Variants in SULF2 observed in about 807,000 individuals in gnomAD.
The protein encoded by SULF2 is sulfatase 2.
A neutral mutation model predicts 107.7 loss-of-function variants in SULF2; 52 were observed. The ratio of observed to expected loss-of-function variants is 0.48; its 90% CI spans 0.39 to 0.61. The LOEUF is 0.61. Ranked by LOEUF, SULF2 falls within the 20% of genes least tolerant of loss-of-function variation. SULF2 has a pLI of 0.00. For synonymous variants in SULF2, 460 were observed against 464.3 expected, an observed-to-expected ratio of 0.99 and a Z score of 0.12; for missense variants, 993 against 1,177.3, an observed-to-expected ratio of 0.84 and a Z score of 2.29.
intron 2 of SULF2, among the ~76,000 whole-genome samples, chr20:47,754,601 G>A (rs562141045): frequency 7.9e-5 from 12 of 152,284 alleles, no homozygotes; most frequent in Admixed American, 6.5e-4. Context: ...AGCTGACACA[G>A]GCCACTGAAC....
chr20:47,721,582 C>T (rs765841804), intron 3 of SULF2, among the ~76,000 whole-genome samples: 4 of 152,154 alleles, frequency 2.6e-5, no homozygotes, highest in Non-Finnish European at 5.9e-5. Flanking sequence ...GTTGGTCAGG[C>T]TGGTCTCGAA....
intron 3 of SULF2, among the ~76,000 whole-genome samples, chr20:47,711,003 G>A (rs1482461987): frequency 2.6e-5 from 4 of 152,168 alleles, no homozygotes; most frequent in African/African-American, 4.8e-5. Flanking sequence ...GTCTCGTGGC[G>A]ACCAGGGACT....
chr20:47,746,416 T>C (rs1170740509), intron 2 of SULF2, among the ~76,000 whole-genome samples: 1 of 152,190 alleles, frequency 6.6e-6, no homozygotes, highest in Admixed American at 6.5e-5. Context: ...GGTGTCCACC[T>C]AACAGGCTGG....
intron 2 of SULF2, among the ~76,000 whole-genome samples, chr20:47,746,991 AAAAATATATAT>A (rs202215747): frequency 1.9e-4 from 16 of 83,066 alleles, no homozygotes; most frequent in Admixed American, 4.1e-4. Context: ...ATAAAAAAAA[AAAAATATATAT>A]ATATATATAT....
intron 3 of SULF2, among the ~76,000 whole-genome samples, chr20:47,704,459 G>A (rs1239853746): frequency 1.3e-5 from 2 of 152,084 alleles, no homozygotes; most frequent in African/African-American, 4.8e-5. Context: ...TTTTTGTAGA[G>A]AAGGGGTCTC....
In SULF2 at chr20:47,663,318, C is replaced by A. The variant is rs16992732; in HGVS notation, c.2228-106G>T. 8.4e-4 allele frequency: 1,331 copies of A among 1,580,998 alleles called. 5 individuals are homozygous for A. In the African/African-American group the frequency reaches 0.016, roughly 19 times the overall value. On this transcript the variant is annotated intron_variant, in intron 16 of 20. Transcript: ENST00000688720. Reference sequence around the variant, plus strand: ...CCCCTAAAACCAGTTCGTCAAATGCCAAGAGGCTGTCCCGAGCACCGTGGA... The same window carrying A: ...CCCCTAAAACCAGTTCGTCAAATGCAAAGAGGCTGTCCCGAGCACCGTGGA...
intron 5 of SULF2, chr20:47,689,876 C>T (rs931662710): frequency 8.1e-6 from 3 of 368,578 alleles, no homozygotes; most frequent in Non-Finnish European, 1.4e-5. Flanking sequence ...GCAGTTCCAT[C>T]CACACACCTC....
chr20:47,729,440 G>A (rs912356045), intron 3 of SULF2, among the ~76,000 whole-genome samples: 2 of 152,236 alleles, frequency 1.3e-5, no homozygotes, highest in African/African-American at 4.8e-5. Flanking sequence ...CGCAGAAGCT[G>A]GGGGATCCCA....
At chr20:47,772,756 A>C (rs2090655460) in intron 1 of SULF2, among the ~76,000 whole-genome samples, 1 of 152,038 alleles carries the variant, frequency 6.6e-6, no homozygotes, top group Non-Finnish European at 1.5e-5. Flanking sequence ...GATCAACGCC[A>C]CTTACGCCCT....
intron 5 of SULF2, 130 bp downstream of exon 5, chr20:47,689,996 G>A: frequency 2.2e-6 from 2 of 907,296 alleles, no homozygotes; most frequent in South Asian, 1.0e-4. Flanking sequence ...TATGTTCTTG[G>A]GGTCTTTAAA....
At chr20:47,752,736 G>A (rs929051546) in intron 2 of SULF2, among the ~76,000 whole-genome samples, 1 of 152,054 alleles carries the variant, frequency 6.6e-6, no homozygotes, top group African/African-American at 2.4e-5. Flanking sequence ...GGGTGACAGA[G>A]CGAGACCCCG....
At chr20:47,692,966 A>G (rs1602660095) in intron 4 of SULF2, among the ~76,000 whole-genome samples, 1 of 152,324 alleles carries the variant, frequency 6.6e-6, no homozygotes, top group South Asian at 2.1e-4. Flanking sequence ...TTGAGCATCA[A>G]GGAAAAATCT....
At chr20:47,728,194 G>A (rs868082554) in intron 3 of SULF2, among the ~76,000 whole-genome samples, 1 of 152,134 alleles carries the variant, frequency 6.6e-6, no homozygotes. Context: ...CAGCTGGACC[G>A]AGGGAAGAAG....
chr20:47,661,704 A>G, intron 18 of SULF2, 69 bp downstream of exon 18: 4 of 1,381,304 alleles, frequency 2.9e-6, no homozygotes, highest in Non-Finnish European at 2.9e-6. Flanking sequence ...TGGGGTAGAC[A>G]CCACCTCCTG....
intron 9 of SULF2, among the ~76,000 whole-genome samples, chr20:47,676,872 A>C (rs1472259682): frequency 1.3e-5 from 2 of 152,256 alleles, no homozygotes; most frequent in Non-Finnish European, 2.9e-5. Context: ...GAGGCTGGAC[A>C]AAGCATGCCA....
rs2088310697 is a variant in SULF2 at position 47,694,528 on chromosome 20, G to A, written c.568-4233C>T. Among the ~76,000 whole-genome samples the A allele has an allele frequency of 6.6e-6, 1 of 152,154 alleles. No individual in the cohort carries two copies. Among genetic ancestry groups the A allele is most frequent in the Admixed American group, 6.5e-5 (1 of 15,286 alleles). On this transcript the variant is annotated intron_variant, in intron 4 of 20. Coordinates refer to ENST00000688720, the MANE Select transcript of SULF2 (RefSeq NM_001387048.1). This position sits in a 1 kb window ranked among gnomAD's most constrained non-coding sequence, Gnocchi z 4.4. ...GCATTTTCCAGAACCCGGCGCCCAG[G>A]AGTCAGGCTCTACCCAGGTGCTGCT...
chr20:47,673,618 T>G (rs994349644), intron 10 of SULF2, among the ~76,000 whole-genome samples: 2 of 152,184 alleles, frequency 1.3e-5, no homozygotes, highest in East Asian at 3.9e-4. Flanking sequence ...TCTAATTGCA[T>G]TCACAGCGCC....
chr20:47,688,426 C>T (rs1457179358), intron 5 of SULF2, among the ~76,000 whole-genome samples: 1 of 152,232 alleles, frequency 6.6e-6, no homozygotes, highest in Admixed American at 6.5e-5. Context: ...AATAAACCAG[C>T]AGGCAATGCC....
intron 4 of SULF2, among the ~76,000 whole-genome samples, chr20:47,692,904 C>A (rs1454251220): frequency 6.6e-6 from 1 of 152,034 alleles, no homozygotes; most frequent in Non-Finnish European, 1.5e-5. Context: ...TTTGTGGGGG[C>A]AGAGGGAAGG....
Sources: allele counts gnomAD v4.1 joint callset (sites outside exome capture counted in the v4.1 genomes callset), GRCh38; gene constraint gnomAD v4.1.1; non-coding constraint Gnocchi (gnomAD v3.1); transcripts MANE v1.5; gene names NCBI Gene and HGNC (gene_info 2026-07-23, HGNC 2026-07-21).